The following BRCA1 variants were observed in gnomAD, a reference collection of about 807,000 sequenced individuals.
The protein encoded by BRCA1 is breast cancer type 1 susceptibility protein.
Under a neutral mutation model 173.7 loss-of-function variants are expected in BRCA1, and 140 were observed. That is an observed-to-expected ratio of 0.81 (90% CI 0.70 to 0.93). The LOEUF is 0.93. Ranked by LOEUF, BRCA1 falls within the 40% of genes least tolerant of loss-of-function variation. BRCA1 has a pLI of 0.00. For synonymous variants in BRCA1, 662 were observed against 756.0 expected (o/e 0.88, Z 2.04); for missense variants, 1,983 against 2,172.5 (o/e 0.91, Z 1.73).
Position 43,144,895 on chromosome 17 carries a change from C to T in BRCA1, c.-19-20780G>A, listed in dbSNP as rs545685567. 1.7e-3 allele frequency: 943 copies of T among 540,870 alleles called. 12 individuals are homozygous for T. Among genetic ancestry groups the T allele is most frequent in the African/African-American group, 0.012 (640 of 51,996 alleles). 33.5% of individuals were successfully genotyped at this position (540,870 alleles called of 1,614,324 possible). Reference sequence around the variant, plus strand: ...GCAGCGGCCAGGCAGCCCAGCTTCGCGAAGGCTGTAGGCACACCGCGGCCA... The same window carrying T: ...GCAGCGGCCAGGCAGCCCAGCTTCGTGAAGGCTGTAGGCACACCGCGGCCA... On this transcript the variant is annotated intron_variant, in intron 1 of 7. Coordinates refer to the BRCA1 transcript ENST00000634433.
chr17:43,163,995 G>A (rs1211834759), intron 1 of BRCA1: 4 of 152,228 alleles, frequency 2.6e-5, no homozygotes, highest in Non-Finnish European at 4.4e-5. Flanking sequence ...ACATCTGGTC[G>A]ACTGGAGGAC....
chr17:43,120,212 A>G (rs1450111610), intron 2 of BRCA1, among the ~76,000 whole-genome samples: 1 of 152,224 alleles, frequency 6.6e-6, no homozygotes, highest in African/African-American at 2.4e-5. Flanking sequence ...AGTTACAAAG[A>G]ACTACCAATT....
Position 43,123,323 on chromosome 17 carries a change from TC to T in BRCA1, c.80+693del, listed in dbSNP as rs765040547. On this transcript the variant is annotated intron_variant, in intron 2 of 22. Coordinates refer to ENST00000357654, the MANE Select transcript of BRCA1 (RefSeq NM_007294.4). ...AAACAAAGGTTCTTCCAAATACCTA[TC>T]CTCTCAACGACACCGATCATCCATG... Among the ~76,000 whole-genome samples the T allele has an allele frequency of 0.011, 1,580 of 150,458 alleles. 87 individuals carry two copies. In the East Asian group the frequency reaches 0.18, roughly 17 times the overall value.
chr17:43,072,951 G>A (rs1229540285), intron 14 of BRCA1, among the ~76,000 whole-genome samples: 1 of 150,820 alleles, frequency 6.6e-6, no homozygotes, highest in Non-Finnish European at 1.5e-5. Context: ...TCTTGGCCTC[G>A]AGCAATTCTC....
At chr17:43,137,289 AG>A (rs1163427186) in intron 1 of BRCA1, among the ~76,000 whole-genome samples, 24 of 23,682 alleles carry the variant, frequency 1.0e-3, no homozygotes, top group Non-Finnish European at 1.7e-3. Flanking sequence ...GGGTGGGGGG[AG>A]GGGGGAGGGA....
intron 8 of BRCA1, 120 bp from the exon 9 acceptor site, chr17:43,096,042 A>T: frequency 1.2e-6 from 1 of 829,408 alleles, no homozygotes; most frequent in Non-Finnish European, 2.0e-6. Context: ...AATCTTATTT[A>T]GTTAGTGAAA....
intron 1 of BRCA1, chr17:43,144,162 GC>G: frequency 4.8e-6 from 1 of 206,456 alleles, no homozygotes; most frequent in South Asian, 5.5e-5. Flanking sequence ...GGCGGAGGTT[GC>G]AGTGAGCCGA....
intron 1 of BRCA1, among the ~76,000 whole-genome samples, chr17:43,149,670 T>G (rs559849279): frequency 6.6e-6 from 1 of 152,246 alleles, no homozygotes; most frequent in Non-Finnish European, 1.5e-5. Context: ...GTATCAATAC[T>G]AGCTTTAGGG....
At chr17:43,090,321 T>A (rs2053400167) in intron 11 of BRCA1, among the ~76,000 whole-genome samples, 1 of 152,084 alleles carries the variant, frequency 6.6e-6, no homozygotes, top group Admixed American at 6.5e-5. Context: ...TTTTCTCACC[T>A]CTCTTGATAC....
In BRCA1 at chr17:43,093,483, T is replaced by C. The variant is rs1060502357; in HGVS notation, c.2048A>G (p.Lys683Arg). Residue 683 changes from lysine (K) to arginine (R), a missense_variant, in exon 10 of 23, where the codon AAG (lysine) becomes AGG (arginine). Coordinates refer to ENST00000357654, the MANE Select transcript of BRCA1 (RefSeq NM_007294.4). ...TCTTTTACTTGTCTGTTCATTTGGC[T>C]TGTTACTCTTCTTGGCTCCAGTTGC... ...EPATGAKKSNKPNEQTSKRHD... is the reference protein window; with the variant it reads ...EPATGAKKSNRPNEQTSKRHD... 4.3e-6 allele frequency: 7 copies of C among 1,614,028 alleles called. No homozygotes were observed. In the East Asian group the frequency reaches 6.7e-5, roughly 15 times the overall value.
At chr17:43,097,163 A>G (rs1280354443) in intron 8 of BRCA1, 81 bp downstream of exon 8, 2 of 1,375,260 alleles carry the variant, frequency 1.5e-6, no homozygotes, top group Non-Finnish European at 2.0e-6. Flanking sequence ...AAATATTTTT[A>G]AAAAGAGAGA....
chr17:43,126,399 AGCTGGCAGCGGACGGTCTTT>A (rs1248008010), upstream of BRCA1, among the ~76,000 whole-genome samples: 3 of 152,148 alleles, frequency 2.0e-5, no homozygotes, highest in Admixed American at 2.0e-4. Context: ...ATAGCGGCAG[AGCTGGCAGCGGACGGTCTTT>A]GCATTGCCGC....
chr17:43,095,937 C>G lies in BRCA1; in HGVS notation c.594-15G>C, dbSNP rs80358102. Reference sequence around the variant, plus strand: ...GATCTCCCACACTATAGGGAAAAGACAGAGTCCTAATAAGAAACACTAGTT... The same window carrying G: ...GATCTCCCACACTATAGGGAAAAGAGAGAGTCCTAATAAGAAACACTAGTT... On this transcript the variant is annotated splice_polypyrimidine_tract_variant and intron_variant, in intron 8 of 22. Coordinates refer to ENST00000357654, the MANE Select transcript of BRCA1 (RefSeq NM_007294.4). The G allele has an allele frequency of 3.1e-5, 49 of 1,597,082 alleles. No individual in the cohort carries two copies. The highest frequency in any genetic ancestry group is 4.2e-5 in the Non-Finnish European group (49 of 1,165,288).
At chr17:43,106,147 A>G (rs947512321) in intron 4 of BRCA1, among the ~76,000 whole-genome samples, 1 of 151,732 alleles carries the variant, frequency 6.6e-6, no homozygotes, top group African/African-American at 2.4e-5. Context: ...AAAAGGAAAC[A>G]CAATCAAAAA....
At position 43,048,353 on chromosome 17, in the gene BRCA1, C is replaced by A. The variant is rs8176308; in HGVS notation, c.5407-650G>T. Among the ~76,000 whole-genome samples, 446 of 152,232 alleles carry A rather than the reference C, an allele frequency of 2.9e-3. 1 individual carries two copies. Among genetic ancestry groups the A allele is most frequent in the Non-Finnish European group, 5.6e-3 (382 of 68,028 alleles). ...AAGTAGCTGGGACTACAGGCGTGCG[C>A]CCCTACGCCCAGCTAATTTTTGTAT... On this transcript the variant is annotated intron_variant, in intron 21 of 22. Coordinates refer to ENST00000357654, the MANE Select transcript of BRCA1 (RefSeq NM_007294.4).
intron 13 of BRCA1, among the ~76,000 whole-genome samples, chr17:43,074,949 A>G (rs891433534): frequency 3.3e-5 from 5 of 151,468 alleles, no homozygotes; most frequent in Non-Finnish European, 1.5e-5. Flanking sequence ...GAAAGGAAAG[A>G]AAAGGAAAGG....
At chr17:43,162,440 C>T (rs776754153) in intron 1 of BRCA1, 1 of 152,162 alleles carries the variant, frequency 6.6e-6, no homozygotes, top group Non-Finnish European at 1.5e-5. Context: ...CACCAGTCCT[C>T]AGTCCTTAAT....
At chr17:43,101,750 C>T (rs1215257692) in intron 6 of BRCA1, among the ~76,000 whole-genome samples, 1 of 152,130 alleles carries the variant, frequency 6.6e-6, no homozygotes, top group African/African-American at 2.4e-5. Context: ...TATCTGCCTG[C>T]CTCAGCCTCC....
At chr17:43,103,095 A>G (rs1054269659) in intron 6 of BRCA1, among the ~76,000 whole-genome samples, 1 of 152,176 alleles carries the variant, frequency 6.6e-6, no homozygotes, top group Non-Finnish European at 1.5e-5. Flanking sequence ...ATGCTTAAAA[A>G]TATCAGTGAC....
Sources: gnomAD v4.1 joint callset for allele counts (sites outside exome capture counted in the v4.1 genomes callset) on GRCh38, gnomAD v4.1.1 for gene constraint, MANE v1.5 for transcripts, NCBI Gene and HGNC (gene_info 2026-07-23, HGNC 2026-07-21) for gene names.